Variants in SCAF11 observed in about 807,000 individuals in gnomAD.
SCAF11 encodes protein SCAF11.
A neutral mutation model predicts 140.5 loss-of-function variants in SCAF11; 47 were observed. That is an observed-to-expected ratio of 0.33 (90% CI 0.26 to 0.43). SCAF11 has a LOEUF of 0.43. Ranked by LOEUF, SCAF11 falls within the 20% of genes least tolerant of loss-of-function variation. SCAF11 has a pLI of 1.00. For missense variants in SCAF11, 1,645 were observed against 1,705.1 expected (o/e 0.96, Z 0.62); for synonymous variants, 557 against 579.4 (o/e 0.96, Z 0.55).
At chr12:45,961,273 T>C in intron 3 of SCAF11, 1 of 714,018 alleles carries the variant, frequency 1.4e-6, no homozygotes, top group Non-Finnish European at 2.6e-6. Context: ...CTCTGGTTAT[T>C]CCACAAGGCT....
chr12:45,946,584 C>G (rs2136563583), intron 5 of SCAF11, among the ~76,000 whole-genome samples: 1 of 151,970 alleles, frequency 6.6e-6, no homozygotes, highest in South Asian at 2.1e-4. Flanking sequence ...ATAGGTAATT[C>G]TGTGATGACC....
At chr12:45,977,829 G>A (rs1435807944) in intron 1 of SCAF11, among the ~76,000 whole-genome samples, 1 of 152,056 alleles carries the variant, frequency 6.6e-6, no homozygotes, top group Non-Finnish European at 1.5e-5. Flanking sequence ...AGTTCTGAGA[G>A]ACAACAGATA....
intron 5 of SCAF11, 77 bp from the exon 6 acceptor site, chr12:45,945,390 C>G: frequency 1.2e-6 from 1 of 839,556 alleles, no homozygotes; most frequent in South Asian, 1.5e-5. Flanking sequence ...ACTCATTCTC[C>G]TCCATCAAAA....
rs201494509 is a variant in SCAF11, at chr12:45,953,266, T to C, written c.220-1539A>G. On this transcript the variant is annotated intron_variant, in intron 3 of 14. Coordinates refer to ENST00000369367, the MANE Select transcript of SCAF11 (RefSeq NM_004719.3). ...GTTCATATATTTTTTAATAATGCAT[T>C]GTCTAGTTCGAAGAACTTAACATCA... Among the ~76,000 whole-genome samples the C allele has an allele frequency of 9.2e-5, 14 of 152,348 alleles. No homozygotes were observed. In the East Asian group the frequency reaches 2.1e-3, roughly 23 times the overall value.
In SCAF11 at chr12:45,920,937, G is replaced by C. The variant is rs1944693584; in HGVS notation, c.*1111C>G. ...AATAATTTATCGTCTGCAACGGGTAGAAGAAGATACTATGAAAGAACATAA... is the reference window on the plus strand; with the variant it reads ...AATAATTTATCGTCTGCAACGGGTACAAGAAGATACTATGAAAGAACATAA... On this transcript the variant is annotated 3_prime_UTR_variant, in exon 15 of 15. Transcript: ENST00000369367. 6.6e-6 allele frequency: 1 copy of C among 151,980 alleles called. No homozygotes were observed. Among genetic ancestry groups the C allele is most frequent in the African/African-American group, 2.4e-5 (1 of 41,320 alleles). The allele number at this position is 151,980 out of a possible 1,614,324, so 9.4% of individuals were successfully genotyped here. A position where few individuals can be genotyped will look rare whatever the true frequency, so the allele number is the denominator to read the frequency against.
At chr12:45,982,070 C>A (rs1946362718) in intron 1 of SCAF11, among the ~76,000 whole-genome samples, 1 of 152,226 alleles carries the variant, frequency 6.6e-6, no homozygotes, top group Non-Finnish European at 1.5e-5. Flanking sequence ...TTTAAAGAGT[C>A]TAAGTGGATT....
chr12:45,937,580 G>A (rs542855655), intron 6 of SCAF11, among the ~76,000 whole-genome samples: 1 of 152,088 alleles, frequency 6.6e-6, no homozygotes, highest in East Asian at 1.9e-4. Flanking sequence ...TTCACTGTAG[G>A]GTGATCAAGC....
At chr12:45,959,471 G>A (rs978707176) in intron 3 of SCAF11, among the ~76,000 whole-genome samples, 1 of 152,154 alleles carries the variant, frequency 6.6e-6, no homozygotes, top group Non-Finnish European at 1.5e-5. Flanking sequence ...TAGGCATAAG[G>A]CATGGCCTGT....
chr12:45,983,041 G>C (rs746656639), intron 1 of SCAF11, among the ~76,000 whole-genome samples: 1 of 152,138 alleles, frequency 6.6e-6, no homozygotes, highest in Non-Finnish European at 1.5e-5. Flanking sequence ...AGTAACTAAC[G>C]ACTGAGGCAA....
chr12:45,946,218 G>C (rs1945419976), intron 5 of SCAF11, among the ~76,000 whole-genome samples: 1 of 152,168 alleles, frequency 6.6e-6, no homozygotes, highest in Non-Finnish European at 1.5e-5. Flanking sequence ...TGCCTTCTTT[G>C]GAACTGGTAA....
At chr12:45,939,132 A>T (rs552563970) in intron 6 of SCAF11, among the ~76,000 whole-genome samples, 3 of 151,812 alleles carry the variant, frequency 2.0e-5, no homozygotes, top group Admixed American at 6.6e-5. Flanking sequence ...ATATAATTTT[A>T]CTAAAGTCAC....
chr12:45,927,928 T>C lies in SCAF11; in HGVS notation c.1773A>G (p.Glu591=), dbSNP rs1324408555. ...GTGTAAAATCTTTATGTTCAGTAAT[T>C]TCTACTAGGGAACTCTCTGTTATTT... is the stretch of plus-strand genomic sequence containing the variant. ...EEKITESSLV[E]ITEHKDFTLK... The change falls in exon 11 of 15, where the codon GAA becomes GAG. Residue 591 remains glutamate (E), a synonymous_variant. Transcript: ENST00000369367. 1.2e-6 allele frequency: 2 copies of C among 1,612,904 alleles called. No individual in the cohort carries two copies. The highest frequency in any genetic ancestry group is 8.5e-7 in the Non-Finnish European group (1 of 1,179,796).
intron 1 of SCAF11, among the ~76,000 whole-genome samples, chr12:45,977,583 T>C (rs1946264039): frequency 6.6e-6 from 1 of 152,158 alleles, no homozygotes; most frequent in Non-Finnish European, 1.5e-5. Context: ...AAAGTTAAAC[T>C]TTCTTAAAAA....
chr12:45,968,768 C>T (rs1371186918), intron 1 of SCAF11, among the ~76,000 whole-genome samples: 1 of 152,050 alleles, frequency 6.6e-6, no homozygotes, highest in Non-Finnish European at 1.5e-5. Context: ...CGGTGAAACC[C>T]CGTCGCTACT....
intron 6 of SCAF11, chr12:45,934,961 T>C (rs1295735516): frequency 6.6e-6 from 1 of 152,430 alleles, no homozygotes; most frequent in Non-Finnish European, 1.5e-5. Flanking sequence ...TCAGCTCTTG[T>C]TAACCATAAA....
intron 5 of SCAF11, among the ~76,000 whole-genome samples, chr12:45,945,920 G>T (rs117850681): frequency 0.012 from 1,749 of 152,024 alleles, 12 homozygotes; most frequent in Non-Finnish European, 0.018. Flanking sequence ...TCAAACCCCG[G>T]ATCTCAAGCG....
intron 1 of SCAF11, among the ~76,000 whole-genome samples, chr12:45,971,435 C>T (rs1946069550): frequency 6.6e-6 from 1 of 152,132 alleles, no homozygotes; most frequent in Non-Finnish European, 1.5e-5. Flanking sequence ...TATATGAAGA[C>T]TCAGGAGTAA....
chr12:45,934,530 G>A, intron 6 of SCAF11, 25 bp from the exon 7 acceptor site: 1 of 1,488,172 alleles, frequency 6.7e-7, no homozygotes, highest in South Asian at 1.4e-5. Flanking sequence ...AAAAGGACTT[G>A]GTTACCTTGT....
intron 14 of SCAF11, 92 bp from the exon 15 acceptor site, chr12:45,922,286 A>ATTGGT: frequency 6.8e-7 from 1 of 1,474,198 alleles, no homozygotes; most frequent in Non-Finnish European, 9.1e-7. Context: ...CCCCAAAGAG[A>ATTGGT]TAACCAGACT....
Sources: allele counts gnomAD v4.1 joint callset (sites outside exome capture counted in the v4.1 genomes callset), GRCh38; gene constraint gnomAD v4.1.1; transcripts MANE v1.5; gene names NCBI Gene and HGNC (gene_info 2026-07-23, HGNC 2026-07-21).